LUC7L2: variants seen among roughly 807,000 people sequenced by gnomAD.
LUC7L2 encodes the protein LUC7 like 2, pre-mRNA splicing factor, also known as putative RNA-binding protein Luc7-like 2.
Under a neutral mutation model 52.8 loss-of-function variants are expected in LUC7L2, and 25 were observed. The ratio of observed to expected loss-of-function variants is 0.47; its 90% CI spans 0.34 to 0.66. The LOEUF (loss-of-function observed/expected upper bound fraction) is 0.66, where lower values mean the gene tolerates loss of function less well. LUC7L2 is among the 30% of genes least tolerant of loss of function. The pLI, the probability that LUC7L2 is intolerant of heterozygous loss-of-function variation, is 0.01. For synonymous variants in LUC7L2, 144 were observed against 160.9 expected (o/e 0.89, Z 0.80); for missense variants, 328 against 497.8 (o/e 0.66, Z 3.25).
chr7:139,416,583 G>A (rs1225013602), intron 8 of LUC7L2: 1 of 152,232 alleles, frequency 6.6e-6, no homozygotes, highest in East Asian at 1.9e-4. Context: ...GCCCAGGCTG[G>A]AATGCAGTGG....
chr7:139,401,893 T>G (rs1397116025), intron 3 of LUC7L2, among the ~76,000 whole-genome samples: 1 of 152,068 alleles, frequency 6.6e-6, no homozygotes, highest in Admixed American at 6.6e-5. Flanking sequence ...AAGCTGAGAC[T>G]ACAGGTGTGC....
intron 1 of LUC7L2, among the ~76,000 whole-genome samples, chr7:139,365,441 A>G (rs1198196809): frequency 6.6e-6 from 1 of 152,190 alleles, no homozygotes; most frequent in East Asian, 1.9e-4. Context: ...ATAAGGATAG[A>G]TGGTAGTGTT....
chr7:139,411,255 T>TA (rs751226030), intron 7 of LUC7L2, among the ~76,000 whole-genome samples: 5 of 151,932 alleles, frequency 3.3e-5, no homozygotes, highest in Non-Finnish European at 5.9e-5. Context: ...TCAGAAACAT[T>TA]AAAAAAAAGT....
In LUC7L2 at chr7:139,407,210, C is replaced by T. The variant is rs1483722140; in HGVS notation, c.547C>T (p.Gln183Ter). Residue 183 changes from glutamine to a stop codon, truncating the protein, a stop_gained, in exon 6 of 10, where the codon CAG becomes TAG. Coordinates refer to ENST00000354926, the MANE Select transcript of LUC7L2 (RefSeq NM_016019.5). LOFTEE classifies it high-confidence loss of function. ...YRNSMPASSF[Q>*]QQKLRVCEVC... ...GAATTCTATGCCAGCTTCCAGTTTT[C>T]AGCAGCAGAAACTTCGAGTCTGTGA... 6.2e-7 allele frequency: 1 copy of T among 1,611,256 alleles called. No homozygotes were observed.
intron 1 of LUC7L2, chr7:139,374,751 C>T: frequency 8.1e-7 from 1 of 1,230,354 alleles, no homozygotes; most frequent in Non-Finnish European, 1.0e-6. Context: ...TATCTTTAAC[C>T]ACGTTAAAAC....
intron 8 of LUC7L2, 42 bp from the exon 9 acceptor site, chr7:139,417,496 G>A (rs746812334): frequency 7.6e-6 from 12 of 1,585,416 alleles, no homozygotes; most frequent in Non-Finnish European, 1.0e-5. Context: ...GAGAAATATA[G>A]TAATTACAAA....
At chr7:139,342,610 G>A (rs1192355360) in intron 1 of LUC7L2, among the ~76,000 whole-genome samples, 1 of 152,152 alleles carries the variant, frequency 6.6e-6, no homozygotes, top group Admixed American at 6.5e-5. Flanking sequence ...CAGGCGACAT[G>A]CGACACCACG....
At chr7:139,375,611 T>C (rs1370545154) in intron 1 of LUC7L2, 1 of 985,464 alleles carries the variant, frequency 1.0e-6, no homozygotes, top group Non-Finnish European at 1.2e-6. Context: ...GATTATTTTT[T>C]ATGTTTTTCA....
chr7:139,348,858 A>C (rs1291044039), intron 1 of LUC7L2, among the ~76,000 whole-genome samples: 1 of 151,646 alleles, frequency 6.6e-6, no homozygotes, highest in East Asian at 2.0e-4. Flanking sequence ...ATTGAGAATA[A>C]TGTTTATATA....
At position 139,359,925 on chromosome 7, in the gene LUC7L2, G is replaced by C. The variant is rs1029800754; in HGVS notation, c.-337G>C. ...GTCGTGGCGACGGTGGCGGCGAGCG[G>C]CGTCAGAGCTTGAGGGGGGGTTGAC... On this transcript the variant is annotated 5_prime_UTR_variant, in exon 1 of 10. Transcript: ENST00000354926. 5.0e-5 allele frequency: 21 copies of C among 416,718 alleles called. No individual in the cohort carries two copies. In the East Asian group the frequency reaches 7.5e-4, roughly 15 times the overall value. The allele number at this position is 416,718 out of a possible 1,614,324, so 25.8% of individuals were successfully genotyped here.
intron 1 of LUC7L2, chr7:139,341,633 T>G: frequency 6.9e-7 from 1 of 1,454,274 alleles, no homozygotes; most frequent in Non-Finnish European, 9.1e-7. Context: ...AGGCCAACCC[T>G]CCCACGGAGC....
At chr7:139,376,550 A>G (rs1386278377) in intron 2 of LUC7L2, among the ~76,000 whole-genome samples, 2 of 152,244 alleles carry the variant, frequency 1.3e-5, no homozygotes, top group Non-Finnish European at 2.9e-5. Context: ...TTGTGGAATC[A>G]GTGGGGAAAT....
intron 1 of LUC7L2, among the ~76,000 whole-genome samples, chr7:139,352,056 G>A (rs1799474494): frequency 6.6e-6 from 1 of 152,114 alleles, no homozygotes; most frequent in African/African-American, 2.4e-5. Flanking sequence ...TTAGCCAGGT[G>A]TGGTGGCATG....
chr7:139,387,810 T>C (rs1328178796), intron 2 of LUC7L2, among the ~76,000 whole-genome samples: 1 of 152,112 alleles, frequency 6.6e-6, no homozygotes, highest in Non-Finnish European at 1.5e-5. Context: ...TGAAGTGCAG[T>C]AGTGTCATTA....
chr7:139,398,019 A>T (rs778762077), intron 2 of LUC7L2, among the ~76,000 whole-genome samples: 2 of 152,068 alleles, frequency 1.3e-5, no homozygotes, highest in Non-Finnish European at 2.9e-5. Flanking sequence ...GTTTTTAAAA[A>T]TTTTTTATTT....
chr7:139,360,452 C>A (rs890025853), intron 1 of LUC7L2, 130 bp downstream of exon 1: 5 of 740,298 alleles, frequency 6.8e-6, no homozygotes, highest in Non-Finnish European at 1.1e-5. Context: ...CACGAGGTCC[C>A]CGTCCCCCGT....
At chr7:139,366,491 T>C (rs79809834) in intron 1 of LUC7L2, among the ~76,000 whole-genome samples, 14 of 152,024 alleles carry the variant, frequency 9.2e-5, no homozygotes, top group South Asian at 2.1e-4. Flanking sequence ...CTTTAATAGT[T>C]TAATAGTTAA....
At chr7:139,392,089 TG>T (rs1326992291) in intron 2 of LUC7L2, among the ~76,000 whole-genome samples, 1 of 152,216 alleles carries the variant, frequency 6.6e-6, no homozygotes, top group Non-Finnish European at 1.5e-5. Flanking sequence ...AAATAGACAC[TG>T]TATGGCTATT....
At chr7:139,357,753 G>A (rs983396470), upstream of LUC7L2, among the ~76,000 whole-genome samples, 12 of 150,346 alleles carry the variant, frequency 8.0e-5, no homozygotes, top group African/African-American at 2.5e-4. Context: ...GTGCAATGGC[G>A]CGATCTCGGC....
Sources: gnomAD v4.1 joint callset for allele counts (sites outside exome capture counted in the v4.1 genomes callset) on GRCh38, gnomAD v4.1.1 for gene constraint, MANE v1.5 for transcripts, NCBI Gene and HGNC (gene_info 2026-07-23, HGNC 2026-07-21) for gene names.